The following SDK1 variants were observed in gnomAD, a reference collection of about 807,000 sequenced individuals.
The protein encoded by SDK1 is sidekick cell adhesion molecule 1.
In SDK1, 157 loss-of-function variants were observed where a neutral mutation model predicts 245.5. That is an observed-to-expected ratio of 0.64 (90% CI 0.56 to 0.73). The LOEUF (loss-of-function observed/expected upper bound fraction) is 0.73, where lower values mean the gene tolerates loss of function less well. SDK1 is among the 30% of genes least tolerant of loss of function. The pLI is 0.00. For synonymous variants in SDK1, 1,647 were observed against 1,278.5 expected, an observed-to-expected ratio of 1.29 and a Z score of -6.15; for missense variants, 3,583 against 3,002.3, an observed-to-expected ratio of 1.19 and a Z score of -4.52.
intron 3 of SDK1, 150 bp downstream of exon 3, chr7:3,639,260 G>A: frequency 6.5e-6 from 3 of 462,106 alleles, no homozygotes. Flanking sequence ...TGAGAGATAA[G>A]TAAGCAGCCA....
intron 35 of SDK1, among the ~76,000 whole-genome samples, chr7:4,193,612 T>C (rs990303737): frequency 6.6e-6 from 1 of 151,958 alleles, no homozygotes; most frequent in East Asian, 1.9e-4. Flanking sequence ...GCCCTCACTT[T>C]AATAGTAGAC....
intron 30 of SDK1, among the ~76,000 whole-genome samples, chr7:4,157,529 G>A (rs10236071): frequency 0.18 from 26,573 of 145,632 alleles, 5,120 homozygotes; most frequent in African/African-American, 0.49. Context: ...GGGAGGGAGG[G>A]AGGAAGGAAG....
At chr7:4,237,528 C>T in intron 41 of SDK1, 119 bp from the exon 42 acceptor site, 1 of 1,161,128 alleles carries the variant, frequency 8.6e-7, no homozygotes, top group Non-Finnish European at 1.3e-6. Context: ...TTGGTTTCAT[C>T]TCACCTGTAA....
At chr7:3,656,949 T>A (rs1024839501) in intron 4 of SDK1, among the ~76,000 whole-genome samples, 1 of 151,698 alleles carries the variant, frequency 6.6e-6, no homozygotes, top group Admixed American at 6.6e-5. Context: ...GGGTTTCACC[T>A]TGTTAGCCAG....
chr7:3,985,981 A>C (rs1783801538), intron 13 of SDK1, among the ~76,000 whole-genome samples: 1 of 152,110 alleles, frequency 6.6e-6, no homozygotes, highest in Admixed American at 6.5e-5. Context: ...CCCGGGTCAC[A>C]CTCAGCATCC....
chr7:3,654,353 A>G (rs974151772), intron 4 of SDK1, among the ~76,000 whole-genome samples: 1 of 152,174 alleles, frequency 6.6e-6, no homozygotes, highest in Non-Finnish European at 1.5e-5. Context: ...GCTTTCATGA[A>G]TAGTCTGCAG....
At chr7:3,984,523 G>C (rs1354455996) in intron 13 of SDK1, among the ~76,000 whole-genome samples, 1 of 152,188 alleles carries the variant, frequency 6.6e-6, no homozygotes, top group Non-Finnish European at 1.5e-5. Context: ...ACAGCAGCTT[G>C]TCAGGGGCCA....
chr7:3,636,373 C>G (rs188954685), intron 2 of SDK1, among the ~76,000 whole-genome samples: 3 of 152,166 alleles, frequency 2.0e-5, no homozygotes, highest in Non-Finnish European at 4.4e-5. Context: ...CGCTTCCCCT[C>G]CCCTGTACCC....
intron 22 of SDK1, among the ~76,000 whole-genome samples, chr7:4,081,875 T>C (rs1781082607): frequency 6.6e-6 from 1 of 152,222 alleles, no homozygotes; most frequent in Non-Finnish European, 1.5e-5. Flanking sequence ...TTTTGAAGCA[T>C]ATTTCAGACC....
chr7:3,410,605 G>T (rs1252210882), intron 1 of SDK1, among the ~76,000 whole-genome samples: 4 of 87,570 alleles, frequency 4.6e-5, no homozygotes, highest in Non-Finnish European at 8.2e-5. Flanking sequence ...TTTTTTTTTG[G>T]AGAAGGAGTC....
At chr7:4,032,727 C>G (rs1787915715) in intron 17 of SDK1, among the ~76,000 whole-genome samples, 1 of 152,058 alleles carries the variant, frequency 6.6e-6, no homozygotes, top group Non-Finnish European at 1.5e-5. Context: ...TTTACAATAA[C>G]AGAATAACAT....
At chr7:3,983,803 C>T (rs1562618396) in intron 13 of SDK1, among the ~76,000 whole-genome samples, 1 of 152,124 alleles carries the variant, frequency 6.6e-6, no homozygotes, top group South Asian at 2.1e-4. Context: ...ATGCTTGAGT[C>T]CTGTGATTTA....
intron 1 of SDK1, among the ~76,000 whole-genome samples, chr7:3,351,238 T>G (rs1333993804): frequency 6.6e-6 from 1 of 152,170 alleles, no homozygotes; most frequent in African/African-American, 2.4e-5. Flanking sequence ...TATGTTTTGC[T>G]TTCAACTAGA....
At chr7:3,374,996 G>C (rs954096663) in intron 1 of SDK1, among the ~76,000 whole-genome samples, 2 of 152,152 alleles carry the variant, frequency 1.3e-5, no homozygotes, top group African/African-American at 2.4e-5. Flanking sequence ...GTGCCACATA[G>C]TAGACATTCG....
chr7:3,935,940 C>T (rs1478429656), intron 5 of SDK1, among the ~76,000 whole-genome samples: 1 of 152,182 alleles, frequency 6.6e-6, no homozygotes, highest in Non-Finnish European at 1.5e-5. Flanking sequence ...TGTTTGTATG[C>T]CTGTTTATAG....
chr7:4,244,386 C>T (rs978418612), intron 43 of SDK1, among the ~76,000 whole-genome samples: 2 of 152,166 alleles, frequency 1.3e-5, no homozygotes, highest in African/African-American at 4.8e-5. Flanking sequence ...CTCTCACTAT[C>T]GAGTCCCTGC....
intron 43 of SDK1, among the ~76,000 whole-genome samples, chr7:4,244,457 G>A (rs530195063): frequency 2.6e-5 from 4 of 152,166 alleles, no homozygotes; most frequent in Non-Finnish European, 4.4e-5. Context: ...CAGCAATGTT[G>A]TACTCAGAGT....
chr7:3,958,035 T>C (rs959653160), intron 7 of SDK1: 1 of 470,658 alleles, frequency 2.1e-6, no homozygotes, highest in African/African-American at 2.0e-5. Flanking sequence ...TTTTTCATCT[T>C]TTAGGTCCCA....
intron 5 of SDK1, among the ~76,000 whole-genome samples, chr7:3,937,757 GC>G (rs1310818962): frequency 6.6e-6 from 1 of 152,240 alleles, no homozygotes; most frequent in Middle Eastern, 3.2e-3. Flanking sequence ...CGTGTTAATA[GC>G]CTCAGATGGG....
Sources: gnomAD v4.1 joint callset for allele counts (sites outside exome capture counted in the v4.1 genomes callset) on GRCh38, gnomAD v4.1.1 for gene constraint, MANE v1.5 for transcripts, NCBI Gene and HGNC (gene_info 2026-07-23, HGNC 2026-07-21) for gene names.